PTPRO: variants seen among roughly 807,000 people sequenced by gnomAD.
PTPRO encodes the protein protein tyrosine phosphatase receptor type O.
In PTPRO, 62 loss-of-function variants were observed where a neutral mutation model predicts 145.2. The ratio of observed to expected loss-of-function variants is 0.43; its 90% CI spans 0.35 to 0.53. The LOEUF (loss-of-function observed/expected upper bound fraction) is 0.53. Among genes scored for constraint, PTPRO ranks in the 20% least tolerant of loss-of-function variants. The probability of loss-of-function intolerance (pLI) is 0.01; values close to 1 mark genes in which losing one functional copy is unlikely to be tolerated. For missense variants in PTPRO, 1,345 were observed against 1,482.7 expected (o/e 0.91, Z 1.53); for synonymous variants, 565 against 514.7 (o/e 1.10, Z -1.32).
chr12:15,392,807 C>T (rs1939227315), intron 1 of PTPRO, among the ~76,000 whole-genome samples: 2 of 151,254 alleles, frequency 1.3e-5, no homozygotes, highest in Non-Finnish European at 2.9e-5. Flanking sequence ...ATTGTAGTCA[C>T]TCTGTTCATG....
intron 1 of PTPRO, among the ~76,000 whole-genome samples, chr12:15,426,725 T>C (rs1189464357): frequency 6.6e-6 from 1 of 152,002 alleles, no homozygotes; most frequent in Admixed American, 6.6e-5. Flanking sequence ...AATTCAAAGA[T>C]TTTACCCAAA....
chr12:15,572,016 T>C (rs543238487), intron 19 of PTPRO, among the ~76,000 whole-genome samples: 1 of 152,366 alleles, frequency 6.6e-6, no homozygotes, highest in African/African-American at 2.4e-5. Flanking sequence ...TTAGCCTGAC[T>C]TCATAGGATT....
At chr12:15,593,321 TG>T (rs1430202284) in intron 25 of PTPRO, among the ~76,000 whole-genome samples, 1 of 152,258 alleles carries the variant, frequency 6.6e-6, no homozygotes, top group Non-Finnish European at 1.5e-5. Context: ...ATGAATATTT[TG>T]ACCGGATCTC....
chr12:15,381,636 G>A (rs1251758226), intron 1 of PTPRO, among the ~76,000 whole-genome samples: 1 of 152,144 alleles, frequency 6.6e-6, no homozygotes, highest in South Asian at 2.1e-4. Flanking sequence ...GAAAGGGAAA[G>A]GGGTCATGTT....
chr12:15,539,544 T>G (rs191785770), intron 12 of PTPRO, among the ~76,000 whole-genome samples: 19 of 152,032 alleles, frequency 1.2e-4, no homozygotes, highest in African/African-American at 4.6e-4. Flanking sequence ...GGCAGATCAC[T>G]TGAGGCCGGG....
intron 1 of PTPRO, among the ~76,000 whole-genome samples, chr12:15,371,864 C>A (rs777015549): frequency 9.2e-5 from 14 of 152,080 alleles, no homozygotes; most frequent in Non-Finnish European, 1.9e-4. Context: ...TCACTCGGCA[C>A]TTCTCCTCCT....
At position 15,420,148 on chromosome 12, in the gene PTPRO, GAAAAAAAAA is replaced by G. The variant is rs35302259; in HGVS notation, c.76-63811_76-63803del. Among the ~76,000 whole-genome samples, 614 of 81,724 alleles carry G rather than the reference GAAAAAAAAA, an allele frequency of 7.5e-3. 19 individuals carry two copies. The highest frequency in any genetic ancestry group is 0.03 in the African/African-American group (594 of 19,552). The allele number at this position is 81,724 out of a possible 152,430, so 53.6% of individuals were successfully genotyped here. Reference sequence around the variant, plus strand: ...GGCGAAAGAGCGAGACTCCGACTCAGAAAAAAAAAAAAAAAAAAAAAAAGAGTGTCCCCT... The same window carrying G: ...GGCGAAAGAGCGAGACTCCGACTCAGAAAAAAAAAAAAAAGAGTGTCCCCT... On this transcript the variant is annotated intron_variant, in intron 1 of 26. Coordinates refer to ENST00000281171, the MANE Select transcript of PTPRO (RefSeq NM_030667.3).
chr12:15,395,533 A>G (rs1026567963), intron 1 of PTPRO, among the ~76,000 whole-genome samples: 3 of 152,068 alleles, frequency 2.0e-5, no homozygotes, highest in African/African-American at 7.2e-5. Flanking sequence ...AAATCTTCCT[A>G]TAGTCTCTTT....
chr12:15,337,873 T>C (rs1285489879), intron 1 of PTPRO, among the ~76,000 whole-genome samples: 1 of 152,202 alleles, frequency 6.6e-6, no homozygotes, highest in Non-Finnish European at 1.5e-5. Context: ...GAAAGTTTCA[T>C]GGTTGCCAAA....
Position 15,508,764 on chromosome 12 carries a change from T to G in PTPRO, c.1461T>G (p.Thr487=). 1 of 1,613,886 alleles carries G rather than the reference T, an allele frequency of 6.2e-7. No individual in the cohort carries two copies. The highest frequency in any genetic ancestry group is 8.5e-7 in the Non-Finnish European group (1 of 1,179,920). ...AGAGGCTTGAAAAGCAGTACTGCAC[T>G]CAGGTAAAGGAGAGGAAATGAGAAT... The part of the protein sequence containing the change: ...ESQRLEKQYC[T]QVNSSKPIIE... The change falls in exon 7 of 27, where the codon ACT becomes ACG. Residue 487 remains threonine, a synonymous_variant. Transcript: ENST00000281171.
At chr12:15,413,780 G>A (rs556670289) in intron 1 of PTPRO, among the ~76,000 whole-genome samples, 3 of 152,098 alleles carry the variant, frequency 2.0e-5, no homozygotes, top group East Asian at 1.9e-4. Context: ...GTGCTACGGC[G>A]CTCCAGCCTG....
intron 1 of PTPRO, among the ~76,000 whole-genome samples, chr12:15,338,402 C>G (rs536359308): frequency 6.6e-6 from 1 of 152,110 alleles, no homozygotes; most frequent in South Asian, 2.1e-4. Flanking sequence ...AGTAAGTTAT[C>G]GAAGCAAATT....
intron 15 of PTPRO, among the ~76,000 whole-genome samples, chr12:15,554,436 T>G (rs1943562733): frequency 6.6e-6 from 1 of 151,660 alleles, no homozygotes; most frequent in African/African-American, 2.4e-5. Flanking sequence ...ATATCTCCTA[T>G]TATATATTAT....
At chr12:15,536,462 T>G (rs1274083161) in intron 12 of PTPRO, among the ~76,000 whole-genome samples, 2 of 152,104 alleles carry the variant, frequency 1.3e-5, no homozygotes, top group African/African-American at 2.4e-5. Flanking sequence ...CAAGGAAAAG[T>G]CAGGCAGGCA....
intron 7 of PTPRO, among the ~76,000 whole-genome samples, chr12:15,511,003 C>CAACAAAAAAA (rs1942428189): frequency 9.5e-6 from 1 of 105,650 alleles, no homozygotes; most frequent in Non-Finnish European, 1.9e-5. Flanking sequence ...TCTGTCTCCA[C>CAACAAAAAAA]AAAAAAAAAA....
chr12:15,329,896 G>A lies in PTPRO; in HGVS notation c.75+7095G>A, dbSNP rs74367216. Among the ~76,000 whole-genome samples the A allele has an allele frequency of 4.6e-5, 7 of 152,304 alleles. No individual in the cohort carries two copies. In the East Asian group the frequency reaches 1.3e-3, roughly 29 times the overall value. ...GAGCTGAGTCCTGAAGCATAGGTAC[G>A]AGTTAGGTTTAAATATATACACACA... On this transcript the variant is annotated intron_variant, in intron 1 of 26. Transcript: ENST00000281171.
intron 5 of PTPRO, among the ~76,000 whole-genome samples, chr12:15,503,572 A>G (rs1942262459): frequency 6.6e-6 from 1 of 152,154 alleles, no homozygotes; most frequent in South Asian, 2.1e-4. Flanking sequence ...TCGTGATGAG[A>G]AAGCCAACAA....
intron 14 of PTPRO, 42 bp downstream of exon 14, chr12:15,549,268 A>AATATAT (rs10541885): frequency 2.2e-6 from 3 of 1,372,640 alleles, no homozygotes; most frequent in African/African-American, 3.1e-5. Flanking sequence ...ACTTTTTTTG[A>AATATAT]ATATATATAT....
intron 12 of PTPRO, among the ~76,000 whole-genome samples, chr12:15,535,076 AC>A (rs1943040411): frequency 6.6e-6 from 1 of 152,192 alleles, no homozygotes; most frequent in Non-Finnish European, 1.5e-5. Flanking sequence ...CCCTTGAGCA[AC>A]TAGGACAAAT....
Sources: gnomAD v4.1 joint callset for allele counts (sites outside exome capture counted in the v4.1 genomes callset) on GRCh38, gnomAD v4.1.1 for gene constraint, MANE v1.5 for transcripts, NCBI Gene and HGNC (gene_info 2026-07-23, HGNC 2026-07-21) for gene names.